Variants in DNAJC11 observed in about 807,000 individuals in gnomAD.
The protein encoded by DNAJC11 is DnaJ heat shock protein family (Hsp40) member C11.
Under a neutral mutation model 78.6 loss-of-function variants are expected in DNAJC11, and 15 were observed. The ratio of observed to expected loss-of-function variants is 0.19; its 90% CI spans 0.13 to 0.29. The LOEUF (loss-of-function observed/expected upper bound fraction) is 0.29, where lower values mean the gene tolerates loss of function less well. Among genes scored for constraint, DNAJC11 ranks in the 10% least tolerant of loss-of-function variants. The probability of loss-of-function intolerance (pLI) is 1.00; values close to 1 mark genes in which losing one functional copy is unlikely to be tolerated. For synonymous variants in DNAJC11, 292 were observed against 272.1 expected (o/e 1.07, Z -0.72); for missense variants, 547 against 709.6 (o/e 0.77, Z 2.60).
intron 3 of DNAJC11, among the ~76,000 whole-genome samples, chr1:6,675,776 G>C (rs80165129): frequency 2.0e-5 from 3 of 152,064 alleles, no homozygotes; most frequent in Non-Finnish European, 2.9e-5. Flanking sequence ...GTTTCTAATG[G>C]GAAGATAATC....
Position 6,671,062 on chromosome 1 carries a change from G to T in DNAJC11, c.277-3252C>A, listed in dbSNP as rs1226556291. 2.6e-5 allele frequency among the ~76,000 whole-genome samples: 4 copies of T among 152,206 alleles called. No individual in the cohort carries two copies. In the East Asian group the frequency reaches 7.7e-4, roughly 29 times the overall value. ...CCAATTCAGTGGACCTGACTGTGGA[G>T]CCACAGTTTCTCTGGACTCAGTGGA... On this transcript the variant is annotated intron_variant, in intron 3 of 15. Transcript: ENST00000377577.
chr1:6,665,138 G>A (rs557258550), intron 4 of DNAJC11, among the ~76,000 whole-genome samples: 1 of 152,212 alleles, frequency 6.6e-6, no homozygotes, highest in East Asian at 1.9e-4. Flanking sequence ...TGCAATCACG[G>A]CTCACTGCAA....
At chr1:6,668,819 C>T (rs945495285) in intron 3 of DNAJC11, among the ~76,000 whole-genome samples, 3 of 152,032 alleles carry the variant, frequency 2.0e-5, no homozygotes, top group Non-Finnish European at 2.9e-5. Context: ...TATAGGCTGG[C>T]GTAACAATAC....
At position 6,635,620 on chromosome 1, in the gene DNAJC11, T is replaced by C. The variant is rs1164680521; in HGVS notation, c.*55A>G. 4 of 1,591,988 alleles carry C rather than the reference T, an allele frequency of 2.5e-6. No individual in the cohort carries two copies. The highest frequency in any genetic ancestry group is 3.5e-5 in the Admixed American group (2 of 57,492). On this transcript the variant is annotated 3_prime_UTR_variant, in exon 16 of 16. Transcript: ENST00000377577. Reference sequence around the variant, plus strand: ...CTGGGTTTTTTCATTTCCAAATTTGTAGACTCCCAGGAAAAGATTTTTTGC... The same window carrying C: ...CTGGGTTTTTTCATTTCCAAATTTGCAGACTCCCAGGAAAAGATTTTTTGC...
intron 6 of DNAJC11, among the ~76,000 whole-genome samples, chr1:6,652,317 C>T (rs546088518): frequency 1.3e-5 from 2 of 152,204 alleles, no homozygotes; most frequent in African/African-American, 4.8e-5. Context: ...AACAAACACA[C>T]GGAGTTTCAG....
At chr1:6,676,005 C>T (rs796672199) in intron 3 of DNAJC11, among the ~76,000 whole-genome samples, 2 of 152,208 alleles carry the variant, frequency 1.3e-5, no homozygotes, top group South Asian at 2.1e-4. Context: ...TAAAGAGTGA[C>T]GGGGAAATTG....
Position 6,657,806 on chromosome 1 carries a change from G to A in DNAJC11, c.379-3767C>T, listed in dbSNP as rs371586543. Among the ~76,000 whole-genome samples, 617 of 151,730 alleles carry A rather than the reference G, an allele frequency of 4.1e-3. 8 individuals carry two copies. The highest frequency in any genetic ancestry group is 0.013 in the African/African-American group (540 of 41,296). ...ACTACAGGCGCCTGCCACCACGCCCGGCTAATTTTTTTGTATTTTTAGTAG... is the reference window on the plus strand; with the variant it reads ...ACTACAGGCGCCTGCCACCACGCCCAGCTAATTTTTTTGTATTTTTAGTAG... On this transcript the variant is annotated intron_variant, in intron 4 of 15. Transcript: ENST00000377577.
intron 3 of DNAJC11, among the ~76,000 whole-genome samples, chr1:6,677,810 G>A (rs200446): frequency 0.51 from 78,159 of 152,034 alleles, 20,573 homozygotes; most frequent in Admixed American, 0.61. Context: ...TGCCCAGGGC[G>A]ACACATTTGC....
chr1:6,640,598 G>A (rs1341769975), intron 10 of DNAJC11, among the ~76,000 whole-genome samples: 1 of 152,218 alleles, frequency 6.6e-6, no homozygotes, highest in Non-Finnish European at 1.5e-5. Flanking sequence ...TTGGGAGGCT[G>A]AGGTGGGCGA....
At chr1:6,661,240 C>T (rs1356983909) in intron 4 of DNAJC11, among the ~76,000 whole-genome samples, 1 of 152,158 alleles carries the variant, frequency 6.6e-6, no homozygotes, top group Non-Finnish European at 1.5e-5. Flanking sequence ...ACTGAAAATT[C>T]CACCAAAAGA....
intron 12 of DNAJC11, 55 bp from the exon 13 acceptor site, chr1:6,637,559 T>C (rs1641800960): frequency 6.3e-7 from 1 of 1,599,408 alleles, no homozygotes; most frequent in African/African-American, 1.3e-5. Context: ...GTTCCACCTC[T>C]GGTGAGAGGG....
Position 6,664,807 on chromosome 1 carries a change from C to T in DNAJC11, c.378+2902G>A, listed in dbSNP as rs894567543. On this transcript the variant is annotated intron_variant, in intron 4 of 15. Transcript: ENST00000377577. ...GAAGAGAAAAGGGAGCACTGTCAAACGGCTCACTCTGTGTCCTGCCTCCTG... is the reference window on the plus strand; with the variant it reads ...GAAGAGAAAAGGGAGCACTGTCAAATGGCTCACTCTGTGTCCTGCCTCCTG... Among the ~76,000 whole-genome samples the T allele has an allele frequency of 5.3e-5, 8 of 152,256 alleles. No homozygotes were observed. The South Asian group carries it at 8.3e-4, about 16-fold the overall frequency.
At chr1:6,676,666 C>T (rs1248765686) in intron 3 of DNAJC11, among the ~76,000 whole-genome samples, 2 of 151,342 alleles carry the variant, frequency 1.3e-5, no homozygotes, top group Non-Finnish European at 3.0e-5. Flanking sequence ...GGCGACAGAG[C>T]ACGCGCGCAC....
At chr1:6,639,793 G>T in intron 11 of DNAJC11, 109 bp downstream of exon 11, 2 of 1,244,196 alleles carry the variant, frequency 1.6e-6, no homozygotes, top group Admixed American at 5.9e-5. Context: ...ACTTAATTCA[G>T]GTTTCCTCAT....
chr1:6,636,314 A>C, intron 14 of DNAJC11, 68 bp from the exon 15 acceptor site: 1 of 1,575,674 alleles, frequency 6.3e-7, no homozygotes, highest in Non-Finnish European at 8.7e-7. Flanking sequence ...CCTCACTACC[A>C]CCGGAGGGGC....
In DNAJC11 at chr1:6,653,864, T is replaced by C; in HGVS notation, c.507+47A>G. 6.2e-7 allele frequency: 1 copy of C among 1,602,522 alleles called. No individual in the cohort carries two copies. Among genetic ancestry groups the C allele is most frequent in the Non-Finnish European group, 8.5e-7 (1 of 1,171,946 alleles). ...CAGCTGCTTGGTGTGCTGTGCCTCATTAACTCGAGCCCTTGCTGTACTCGG... is the reference window on the plus strand; with the variant it reads ...CAGCTGCTTGGTGTGCTGTGCCTCACTAACTCGAGCCCTTGCTGTACTCGG... On this transcript the variant is annotated intron_variant, in intron 5 of 15. Coordinates refer to ENST00000377577, the MANE Select transcript of DNAJC11 (RefSeq NM_018198.4). The surrounding 1 kb of genome is among the most constrained non-coding windows in gnomAD (Gnocchi z 4.5).
intron 4 of DNAJC11, among the ~76,000 whole-genome samples, chr1:6,661,532 T>C (rs1642212759): frequency 6.9e-6 from 1 of 144,542 alleles, no homozygotes; most frequent in African/African-American, 2.6e-5. Flanking sequence ...CCACTCTTCT[T>C]CTCCAGGGTT....
intron 4 of DNAJC11, among the ~76,000 whole-genome samples, chr1:6,665,619 G>A (rs1176165524): frequency 6.6e-6 from 1 of 152,190 alleles, no homozygotes; most frequent in Non-Finnish European, 1.5e-5. Flanking sequence ...GCATGCCTGT[G>A]TGAGATGGTC....
chr1:6,673,137 C>T (rs527850858), intron 3 of DNAJC11, among the ~76,000 whole-genome samples: 15 of 126,986 alleles, frequency 1.2e-4, no homozygotes, highest in African/African-American at 3.5e-4. Context: ...CAGAGGTTGC[C>T]GTGAACGGAG....
Sources: allele counts gnomAD v4.1 joint callset (sites outside exome capture counted in the v4.1 genomes callset), GRCh38; gene constraint gnomAD v4.1.1; non-coding constraint Gnocchi (gnomAD v3.1); transcripts MANE v1.5; gene names NCBI Gene and HGNC (gene_info 2026-07-23, HGNC 2026-07-21).